TEX11: variants seen among roughly 807,000 people sequenced by gnomAD.
TEX11 encodes the protein testis-expressed protein 11.
In TEX11, 7 loss-of-function variants were observed where a neutral mutation model predicts 84.4. The ratio of observed to expected loss-of-function variants is 0.08; its 90% CI spans 0.05 to 0.16. The LOEUF is 0.16. TEX11 is among the 10% of genes least tolerant of loss of function. TEX11 has a pLI of 1.00. For synonymous variants in TEX11, 264 were observed against 222.8 expected (o/e 1.18, Z -1.64); for missense variants, 551 against 660.5 (o/e 0.83, Z 1.82).
chrX:70,626,053 T>C (rs1213385715), intron 18 of TEX11, among the ~76,000 whole-genome samples: 1 of 111,488 alleles, frequency 9.0e-6, no homozygotes, highest in African/African-American at 3.3e-5. Flanking sequence ...CGGCATATTT[T>C]CCGCATTTTC....
chrX:70,530,384 T>C (rs995047487), intron 28 of TEX11, among the ~76,000 whole-genome samples: 3 of 112,094 alleles, frequency 2.7e-5, no homozygotes, highest in African/African-American at 9.7e-5. Flanking sequence ...AGCAGTTTTA[T>C]TGAATTTCTT....
rs576066618 is a variant in TEX11 at position 70,614,380 on chromosome X, T to C, written c.1752-3837A>G. 2.7e-5 allele frequency among the ~76,000 whole-genome samples: 3 copies of C among 111,096 alleles called. No homozygotes were observed. In the South Asian group the frequency reaches 1.2e-3, roughly 43 times the overall value. On this transcript the variant is annotated intron_variant, in intron 20 of 29. Transcript: ENST00000374333. The stretch of plus-strand genomic sequence containing the variant: ...AGGTGACTGAAAAGTCCTCAGGCTT[T>C]AAGTGAACATCAGCGGTAGGCTGGC...
chrX:70,529,786 C>G (rs745907454), intron 29 of TEX11, 49 bp downstream of exon 29: 12 of 1,145,816 alleles, frequency 1.0e-5, no homozygotes, highest in Non-Finnish European at 9.3e-6. Flanking sequence ...CAGCCATAAC[C>G]TCTTGCCCCC....
At chrX:70,547,027 C>CAAAAA (rs58220663) in intron 28 of TEX11, among the ~76,000 whole-genome samples, 28 of 33,872 alleles carry the variant, frequency 8.3e-4, no homozygotes, top group East Asian at 2.2e-3. Flanking sequence ...TATTATTCAG[C>CAAAAA]AAAAAAAAAA....
rs1221899514 is a variant in TEX11, at chrX:70,837,968, G to A, written c.526-4375C>T. 4.5e-5 allele frequency among the ~76,000 whole-genome samples: 5 copies of A among 111,895 alleles called. No individual in the cohort carries two copies. The East Asian group carries it at 8.4e-4, about 19-fold the overall frequency. The stretch of plus-strand genomic sequence containing the variant: ...GAAATCTAAATAAGGTCTGTGGATT[G>A]TATCAATGTCTATTTCCTGGTTTTA... On this transcript the variant is annotated intron_variant, in intron 7 of 29. Transcript: ENST00000374333.
intron 4 of TEX11, among the ~76,000 whole-genome samples, chrX:70,868,508 C>A (rs754539570): frequency 3.6e-5 from 4 of 111,158 alleles, no homozygotes; most frequent in African/African-American, 1.3e-4. Flanking sequence ...CCATTTTGAC[C>A]CAGCAATCCC....
At chrX:70,836,876 G>A (rs374147708) in intron 7 of TEX11, among the ~76,000 whole-genome samples, 5 of 111,140 alleles carry the variant, frequency 4.5e-5, no homozygotes, top group African/African-American at 1.6e-4. Context: ...AATTAGCCAG[G>A]CATGGTGGCA....
the TEX11 span, among the ~76,000 whole-genome samples, chrX:70,512,145 G>A: frequency 9.3e-6 from 1 of 107,649 alleles, no homozygotes; most frequent in African/African-American, 3.5e-5. Context: ...TTTTCCTTTT[G>A]CCTGGAATAC....
intron 9 of TEX11, among the ~76,000 whole-genome samples, chrX:70,751,806 C>G (rs1198991687): frequency 9.0e-6 from 1 of 111,500 alleles, no homozygotes; most frequent in Non-Finnish European, 1.9e-5. Context: ...ATGCTGAAAG[C>G]AAGTGACACT....
chrX:70,707,668 T>C (rs746351704), intron 13 of TEX11, among the ~76,000 whole-genome samples: 3 of 111,675 alleles, frequency 2.7e-5, no homozygotes, highest in East Asian at 2.8e-4. Flanking sequence ...TAGTAGGCTA[T>C]AAATTCACTA....
intron 7 of TEX11, among the ~76,000 whole-genome samples, chrX:70,852,043 CTT>C (rs1569455362): frequency 8.9e-6 from 1 of 111,992 alleles, no homozygotes; most frequent in African/African-American, 3.2e-5. Flanking sequence ...ATGTTTTAAA[CTT>C]AGCTTGTGGT....
At chrX:70,640,220 A>G (rs1218300526) in intron 17 of TEX11, among the ~76,000 whole-genome samples, 1 of 108,795 alleles carries the variant, frequency 9.2e-6, no homozygotes, top group East Asian at 2.9e-4. Context: ...GTTTAGAGAA[A>G]AAAGAATAAA....
At chrX:70,826,792 T>C (rs751662804) in intron 8 of TEX11, among the ~76,000 whole-genome samples, 1 of 111,446 alleles carries the variant, frequency 9.0e-6, no homozygotes, top group South Asian at 3.8e-4. Context: ...CTCGTCACTG[T>C]GGGCTGAAGT....
intron 26 of TEX11, 62 bp downstream of exon 26, chrX:70,554,589 G>A: frequency 9.3e-7 from 1 of 1,069,664 alleles, no homozygotes; most frequent in South Asian, 2.6e-5. Flanking sequence ...GTAAAGAGAA[G>A]AAAAAAAGTC....
intron 17 of TEX11, among the ~76,000 whole-genome samples, chrX:70,646,032 T>C (rs1466385219): frequency 1.8e-5 from 2 of 111,685 alleles, no homozygotes; most frequent in East Asian, 5.6e-4. Flanking sequence ...ACTACAAAGC[T>C]ATACTAATCA....
the TEX11 span, among the ~76,000 whole-genome samples, chrX:70,519,819 T>C: frequency 8.1e-4 from 91 of 112,012 alleles, no homozygotes; most frequent in Non-Finnish European, 1.5e-3. Context: ...TGTTTCTTTT[T>C]ACTCTTTTTT....
chrX:70,523,551 C>A, the TEX11 span, among the ~76,000 whole-genome samples: 10 of 110,907 alleles, frequency 9.0e-5, no homozygotes, highest in East Asian at 2.5e-3. Context: ...GCAAGCTATG[C>A]CTCCCGGGTT....
At chrX:70,727,594 G>C (rs985446260) in intron 11 of TEX11, among the ~76,000 whole-genome samples, 1 of 111,516 alleles carries the variant, frequency 9.0e-6, no homozygotes, top group Non-Finnish European at 1.9e-5. Flanking sequence ...GCTATGGACC[G>C]AATGTTTGTG....
intron 9 of TEX11, among the ~76,000 whole-genome samples, chrX:70,748,985 G>A (rs1385070599): frequency 9.5e-6 from 1 of 105,540 alleles, no homozygotes; most frequent in East Asian, 3.0e-4. Flanking sequence ...GATGGGGATG[G>A]CATTGAATCT....
Sources: gnomAD v4.1 joint callset for allele counts (sites outside exome capture counted in the v4.1 genomes callset) on GRCh38, gnomAD v4.1.1 for gene constraint, MANE v1.5 for transcripts, NCBI Gene and HGNC (gene_info 2026-07-23, HGNC 2026-07-21) for gene names.